SKI: variants seen among roughly 807,000 people sequenced by gnomAD.
SKI encodes SKI proto-oncogene.
A neutral mutation model predicts 59.3 loss-of-function variants in SKI; 23 were observed. The observed-to-expected ratio is 0.39, with a 90% confidence interval of 0.28 to 0.55. SKI has a LOEUF of 0.55. Among genes scored for constraint, SKI ranks in the 20% least tolerant of loss-of-function variants. The pLI is 0.67. For synonymous variants in SKI, 673 were observed against 488.6 expected, an observed-to-expected ratio of 1.38 and a Z score of -4.98; for missense variants, 1,017 against 1,038.9, an observed-to-expected ratio of 0.98 and a Z score of 0.29.
chr1:2,286,899 G>A lies in SKI; in HGVS notation c.970-16079G>A, dbSNP rs549478414. Among the ~76,000 whole-genome samples, 9 of 152,372 alleles carry A rather than the reference G, an allele frequency of 5.9e-5. No individual in the cohort carries two copies. The South Asian group carries it at 1.2e-3, about 21-fold the overall frequency. On this transcript the variant is annotated intron_variant, in intron 1 of 6. Transcript: ENST00000378536. Reference sequence around the variant, plus strand: ...CTGCTCATGCATGCTCTGTGGTCACGGAGAACTTTGCTTATAAAAGAACAT... The same window carrying A: ...CTGCTCATGCATGCTCTGTGGTCACAGAGAACTTTGCTTATAAAAGAACAT...
intron 5 of SKI, among the ~76,000 whole-genome samples, chr1:2,305,197 C>T (rs1640538709): frequency 6.6e-6 from 1 of 152,232 alleles, no homozygotes; most frequent in African/African-American, 2.4e-5. Flanking sequence ...TCTCACGCTG[C>T]AGCTCCGGTC....
Position 2,306,783 on chromosome 1 carries a change from G to T in SKI, c.*18G>T. The T allele has an allele frequency of 2.0e-6, 3 of 1,484,162 alleles. No homozygotes were observed. Among genetic ancestry groups the T allele is most frequent in the Non-Finnish European group, 2.7e-6 (3 of 1,121,160 alleles). The allele number at this position is 1,484,162 out of a possible 1,614,324, so 91.9% of individuals were successfully genotyped here. A position where few individuals can be genotyped will look rare whatever the true frequency, so the allele number is the denominator to read the frequency against. On this transcript the variant is annotated 3_prime_UTR_variant, in exon 7 of 7. Transcript: ENST00000378536. The stretch of plus-strand genomic sequence containing the variant: ...AGCCGTAGATTCCGTGCCTGCCGCC[G>T]CAGCGCCGCCGACAACGCGGGTGCA...
chr1:2,271,566 C>G (rs1408297862), intron 1 of SKI, among the ~76,000 whole-genome samples: 2 of 152,216 alleles, frequency 1.3e-5, no homozygotes, highest in Non-Finnish European at 2.9e-5. Context: ...TGTTGGCTGC[C>G]CTGCCCCGGG....
intron 1 of SKI, among the ~76,000 whole-genome samples, chr1:2,290,943 T>A (rs955387437): frequency 6.6e-6 from 1 of 152,258 alleles, no homozygotes; most frequent in Non-Finnish European, 1.5e-5. Context: ...CCTCTCATTC[T>A]GGATGGAAAG....
chr1:2,304,967 A>C (rs1640530250), intron 5 of SKI, among the ~76,000 whole-genome samples: 1 of 152,240 alleles, frequency 6.6e-6, no homozygotes, highest in African/African-American at 2.4e-5. Context: ...GCATGGAGAC[A>C]GTTCCTTGCT....
At chr1:2,298,798 C>A (rs1640351456) in intron 1 of SKI, among the ~76,000 whole-genome samples, 1 of 152,214 alleles carries the variant, frequency 6.6e-6, no homozygotes, top group Non-Finnish European at 1.5e-5. Flanking sequence ...CAGTCAAAAG[C>A]AAGAATGTGC....
chr1:2,292,101 G>A (rs1050187639), intron 1 of SKI, among the ~76,000 whole-genome samples: 2 of 152,240 alleles, frequency 1.3e-5, no homozygotes, highest in African/African-American at 4.8e-5. Flanking sequence ...TCTTGAGTGA[G>A]GGTATTTGGG....
intron 1 of SKI, 121 bp from the exon 2 acceptor site, chr1:2,302,857 C>G (rs924173810): frequency 7.3e-7 from 1 of 1,366,400 alleles, no homozygotes; most frequent in Admixed American, 1.7e-5. Flanking sequence ...TTCTGCGCCA[C>G]TCAGGGTCGT....
chr1:2,241,593 C>T (rs1488390232), intron 1 of SKI, among the ~76,000 whole-genome samples: 1 of 152,034 alleles, frequency 6.6e-6, no homozygotes, highest in Non-Finnish European at 1.5e-5. Flanking sequence ...CGGGGTTTTA[C>T]CGTTTTAGCC....
chr1:2,261,491 A>ATT (rs1331759196), intron 1 of SKI, among the ~76,000 whole-genome samples: 5 of 152,248 alleles, frequency 3.3e-5, no homozygotes, highest in Admixed American at 3.3e-4. Flanking sequence ...AGATTTATTG[A>ATT]TTTATCTATT....
At chr1:2,248,268 G>A (rs1165881628) in intron 1 of SKI, among the ~76,000 whole-genome samples, 1 of 152,202 alleles carries the variant, frequency 6.6e-6, no homozygotes, top group Non-Finnish European at 1.5e-5. Context: ...GGGGCTGCCC[G>A]GACTCAGCCT....
intron 1 of SKI, among the ~76,000 whole-genome samples, chr1:2,266,818 T>A (rs1158107734): frequency 6.6e-6 from 1 of 152,126 alleles, no homozygotes; most frequent in Admixed American, 6.5e-5. Context: ...GCTCGTGGGC[T>A]CCCCTCTAGG....
At chr1:2,283,374 A>G (rs6682916) in intron 1 of SKI, among the ~76,000 whole-genome samples, 101,297 of 152,018 alleles carry the variant, frequency 0.67, 35,097 homozygotes, top group African/African-American at 0.85. Flanking sequence ...GGGCCTCCTG[A>G]GGAGTATGTC....
At chr1:2,306,448 TG>T in intron 6 of SKI, 128 bp from the exon 7 acceptor site, 2 of 1,057,442 alleles carry the variant, frequency 1.9e-6, no homozygotes, top group Non-Finnish European at 2.7e-6. Context: ...TCCTAGCAGG[TG>T]GAGGAGGGGC....
At chr1:2,278,029 C>G (rs145474321) in intron 1 of SKI, among the ~76,000 whole-genome samples, 2 of 152,256 alleles carry the variant, frequency 1.3e-5, no homozygotes, top group Non-Finnish European at 2.9e-5. Context: ...CACACACATG[C>G]ACCCACTCCC....
intron 1 of SKI, among the ~76,000 whole-genome samples, chr1:2,263,885 G>C (rs1329703507): frequency 2.2e-5 from 3 of 135,268 alleles, no homozygotes; most frequent in African/African-American, 8.5e-5. Flanking sequence ...AAAAAAAAAA[G>C]TTTCGTGGGG....
chr1:2,260,834 C>T (rs532716858), intron 1 of SKI, among the ~76,000 whole-genome samples: 13 of 152,284 alleles, frequency 8.5e-5, no homozygotes, highest in South Asian at 4.1e-4. Context: ...CCACTACGTC[C>T]GGCCTCAGTT....
chr1:2,291,330 C>G (rs1279022240), intron 1 of SKI, among the ~76,000 whole-genome samples: 1 of 152,204 alleles, frequency 6.6e-6, no homozygotes, highest in Non-Finnish European at 1.5e-5. Flanking sequence ...GTGGTCGGCC[C>G]CAGTGTCATC....
chr1:2,254,545 G>A (rs1460673524), intron 1 of SKI, among the ~76,000 whole-genome samples: 1 of 152,238 alleles, frequency 6.6e-6, no homozygotes, highest in South Asian at 2.1e-4. Context: ...TGAAGACGCG[G>A]CCTCTGGCTG....
Sources: gnomAD v4.1 joint callset for allele counts (sites outside exome capture counted in the v4.1 genomes callset) on GRCh38, gnomAD v4.1.1 for gene constraint, MANE v1.5 for transcripts, NCBI Gene and HGNC (gene_info 2026-07-23, HGNC 2026-07-21) for gene names.